RAD54B: variants seen among roughly 807,000 people sequenced by gnomAD.
The protein encoded by RAD54B is RAD54 homolog B, also known as DNA repair and recombination protein RAD54B.
In RAD54B, 78 loss-of-function variants were observed where a neutral mutation model predicts 95.8. That is an observed-to-expected ratio of 0.81 (90% CI 0.68 to 0.98). RAD54B has a LOEUF of 0.98. Among genes scored for constraint, RAD54B ranks in the 50% least tolerant of loss-of-function variants. The pLI is 0.00. For synonymous variants in RAD54B, 328 were observed against 354.9 expected (o/e 0.92, Z 0.85); for missense variants, 957 against 1,056.6 (o/e 0.91, Z 1.31).
At chr8:94,376,579 T>C (rs958160244) in intron 14 of RAD54B, among the ~76,000 whole-genome samples, 1 of 151,162 alleles carries the variant, frequency 6.6e-6, no homozygotes, top group East Asian at 1.9e-4. Flanking sequence ...ATATTTTTAA[T>C]TACCAAAATG....
chr8:94,401,193 G>C (rs750238247), intron 6 of RAD54B, among the ~76,000 whole-genome samples: 1 of 151,790 alleles, frequency 6.6e-6, no homozygotes, highest in Non-Finnish European at 1.5e-5. Flanking sequence ...GAACAAGAAG[G>C]GTTTGAACTG....
chr8:94,372,261 T>C lies in RAD54B; in HGVS notation c.2642A>G (p.His881Arg), dbSNP rs1810458245. Residue 881 changes from histidine (H) to arginine (R), a missense_variant, in exon 15 of 15, where the codon CAT (histidine) becomes CGT (arginine). Transcript: ENST00000336148. ...AAGAAAAGGATCTGTAAGATTTAAA[T>C]GATCTCCAGAAAAATGTTTCCATTG... Reference protein sequence around the residue: ...LKQWKHFSGDHLNLTDPFLER... With the variant: ...LKQWKHFSGDRLNLTDPFLER... 6.2e-7 allele frequency: 1 copy of C among 1,613,178 alleles called. No homozygotes were observed. The highest frequency in any genetic ancestry group is 8.5e-7 in the Non-Finnish European group (1 of 1,179,772).
intron 5 of RAD54B, among the ~76,000 whole-genome samples, chr8:94,406,159 T>C (rs550592126): frequency 6.6e-6 from 1 of 152,012 alleles, no homozygotes; most frequent in African/African-American, 2.4e-5. Flanking sequence ...TACTAGACAC[T>C]CTAAATCTCT....
chr8:94,417,825 GA>G (rs1163165916), intron 3 of RAD54B, among the ~76,000 whole-genome samples: 1 of 152,156 alleles, frequency 6.6e-6, no homozygotes, highest in Non-Finnish European at 1.5e-5. Context: ...CATGGATTTA[GA>G]AAGTGAGTCT....
At chr8:94,405,165 T>C (rs1374399972) in intron 5 of RAD54B, among the ~76,000 whole-genome samples, 1 of 152,116 alleles carries the variant, frequency 6.6e-6, no homozygotes, top group Non-Finnish European at 1.5e-5. Context: ...ACAATGTAAT[T>C]CTTCAAAACT....
intron 3 of RAD54B, chr8:94,432,792 T>A: frequency 8.6e-7 from 1 of 1,166,188 alleles, no homozygotes; most frequent in Non-Finnish European, 1.1e-6. Context: ...AAAAAAATCT[T>A]AAACACTTGA....
intron 3 of RAD54B, among the ~76,000 whole-genome samples, chr8:94,419,101 C>T (rs1044991228): frequency 6.6e-6 from 1 of 152,044 alleles, no homozygotes; most frequent in Non-Finnish European, 1.5e-5. Context: ...CCAGAAAACC[C>T]TCAACATTCA....
At chr8:94,375,624 T>C (rs980965896) in intron 14 of RAD54B, among the ~76,000 whole-genome samples, 1 of 152,058 alleles carries the variant, frequency 6.6e-6, no homozygotes, top group African/African-American at 2.4e-5. Context: ...AACAGACTAA[T>C]ATAGTGGGGG....
chr8:94,435,239 C>T (rs1812223743), intron 3 of RAD54B, among the ~76,000 whole-genome samples: 1 of 152,002 alleles, frequency 6.6e-6, no homozygotes, highest in Non-Finnish European at 1.5e-5. Context: ...TAACCAGTGG[C>T]CCCAAGAATT....
chr8:94,386,786 CAT>C (rs1810898955), intron 11 of RAD54B, among the ~76,000 whole-genome samples, 196 bp downstream of exon 11: 1 of 152,096 alleles, frequency 6.6e-6, no homozygotes, highest in African/African-American at 2.4e-5. Context: ...TAAAAGTATA[CAT>C]ATGTTTAGTT....
intron 10 of RAD54B, among the ~76,000 whole-genome samples, chr8:94,389,715 A>T (rs1205013444): frequency 2.0e-5 from 3 of 152,250 alleles, no homozygotes. Context: ...AAGGTTATTT[A>T]TACATGTAGA....
intron 3 of RAD54B, among the ~76,000 whole-genome samples, chr8:94,415,774 C>T (rs112957088): frequency 0.19 from 24,452 of 131,008 alleles, 2,994 homozygotes; most frequent in East Asian, 0.35. Flanking sequence ...AAAATGCTCA[C>T]CATCACTAGC....
At chr8:94,387,920 T>C (rs914207097) in intron 10 of RAD54B, among the ~76,000 whole-genome samples, 1 of 152,176 alleles carries the variant, frequency 6.6e-6, no homozygotes, top group Admixed American at 6.5e-5. Flanking sequence ...TTACCAGATT[T>C]ATCACTGTTT....
chr8:94,378,044 C>G, intron 14 of RAD54B, 136 bp downstream of exon 14: 2 of 560,776 alleles, frequency 3.6e-6, no homozygotes, highest in East Asian at 6.5e-5. Context: ...TGGCAGCTGC[C>G]CTATGAGCTG....
In RAD54B at chr8:94,429,075, T is replaced by A. The variant is rs370707066; in HGVS notation, c.305-17760A>T. On this transcript the variant is annotated intron_variant, in intron 3 of 14. Coordinates refer to ENST00000336148, the MANE Select transcript of RAD54B (RefSeq NM_012415.3). ...CAAATTAAAAGTAAACAAGACTGAC[T>A]TGGAGAAAAACAAGATTGACTTGGA... 6.4e-5 allele frequency: 63 copies of A among 985,300 alleles called. No homozygotes were observed. In the East Asian group the frequency reaches 1.2e-3, roughly 20 times the overall value. The allele number at this position is 985,300 out of a possible 1,614,324, so 61.0% of individuals were successfully genotyped here.
intron 2 of RAD54B, among the ~76,000 whole-genome samples, chr8:94,461,280 C>T (rs1054164725): frequency 6.3e-5 from 9 of 142,292 alleles, no homozygotes; most frequent in African/African-American, 2.4e-4. Flanking sequence ...TCAAGCAATT[C>T]TCCTGCCTCA....
chr8:94,381,375 G>A (rs1048094655), intron 11 of RAD54B, among the ~76,000 whole-genome samples: 4 of 152,162 alleles, frequency 2.6e-5, no homozygotes, highest in African/African-American at 9.7e-5. Context: ...AACGAGCCCT[G>A]CCTATCCATA....
intron 8 of RAD54B, among the ~76,000 whole-genome samples, chr8:94,394,895 G>C (rs1424154439): frequency 6.6e-6 from 1 of 151,982 alleles, no homozygotes; most frequent in Non-Finnish European, 1.5e-5. Context: ...AAAACTTAAT[G>C]GGTCCTCCCC....
At chr8:94,386,269 G>T (rs1339062906) in intron 11 of RAD54B, among the ~76,000 whole-genome samples, 2 of 152,094 alleles carry the variant, frequency 1.3e-5, no homozygotes, top group African/African-American at 4.8e-5. Flanking sequence ...GAAGAAAAGT[G>T]AGTCTATAAT....
Sources: gnomAD v4.1 joint callset for allele counts (sites outside exome capture counted in the v4.1 genomes callset) on GRCh38, gnomAD v4.1.1 for gene constraint, MANE v1.5 for transcripts, NCBI Gene and HGNC (gene_info 2026-07-23, HGNC 2026-07-21) for gene names.